Variants in ADCY2 observed in about 807,000 individuals in gnomAD.
ADCY2 encodes adenylate cyclase type 2.
A neutral mutation model predicts 125.2 loss-of-function variants in ADCY2; 31 were observed. The ratio of observed to expected loss-of-function variants is 0.25; its 90% confidence interval spans 0.19 to 0.33. The LOEUF (loss-of-function observed/expected upper bound fraction) is 0.33. Ranked by LOEUF, ADCY2 falls within the 10% of genes least tolerant of loss-of-function variation. The pLI is 1.00. For synonymous variants in ADCY2, 512 were observed against 548.4 expected (o/e 0.93, Z 0.93); for missense variants, 904 against 1,418.2 (o/e 0.64, Z 5.82).
intron 3 of ADCY2, among the ~76,000 whole-genome samples, chr5:7,548,729 G>C (rs962710071): frequency 5.9e-5 from 9 of 152,182 alleles, no homozygotes; most frequent in African/African-American, 1.9e-4. Flanking sequence ...TATGTTGAAA[G>C]TGGAGTCGAG....
chr5:7,485,982 AG>A (rs1742910693), intron 2 of ADCY2, among the ~76,000 whole-genome samples: 1 of 152,306 alleles, frequency 6.6e-6, no homozygotes, highest in South Asian at 2.1e-4. Context: ...TATTTTTATG[AG>A]GATAAAGTAA....
At chr5:7,703,814 A>G (rs13175574) in intron 7 of ADCY2, among the ~76,000 whole-genome samples, 121,774 of 151,650 alleles carry the variant, frequency 0.8, 49,318 homozygotes, top group South Asian at 0.86. Context: ...ATTACCTTGG[A>G]CAGTATGTTC....
chr5:7,711,050 C>T (rs895881180), intron 10 of ADCY2, among the ~76,000 whole-genome samples: 12 of 152,236 alleles, frequency 7.9e-5, no homozygotes, highest in East Asian at 5.8e-4. Context: ...TCTGCTGGAC[C>T]GCTTCTAACC....
intron 2 of ADCY2, among the ~76,000 whole-genome samples, chr5:7,420,144 G>C (rs1015496212): frequency 2.0e-5 from 3 of 152,120 alleles, no homozygotes; most frequent in Admixed American, 2.0e-4. Context: ...CTGTCATCTC[G>C]CGGGCAGAAG....
intron 2 of ADCY2, among the ~76,000 whole-genome samples, chr5:7,482,823 T>TAATGA (rs1742789106): frequency 6.7e-6 from 1 of 148,832 alleles, no homozygotes; most frequent in Non-Finnish European, 1.5e-5. Context: ...CATATATGTA[T>TAATGA]AATGAAATGC....
chr5:7,618,403 T>C (rs1309289632), intron 3 of ADCY2, among the ~76,000 whole-genome samples: 1 of 152,202 alleles, frequency 6.6e-6, no homozygotes, highest in African/African-American at 2.4e-5. Flanking sequence ...GTGATAGCAA[T>C]GCAACCTTCT....
chr5:7,676,461 A>C (rs1740130337), intron 4 of ADCY2, among the ~76,000 whole-genome samples: 1 of 152,108 alleles, frequency 6.6e-6, no homozygotes. Context: ...AAATCTTCTC[A>C]AACCTGTCTA....
At chr5:7,639,595 G>A (rs1056851459) in intron 4 of ADCY2, among the ~76,000 whole-genome samples, 4 of 152,110 alleles carry the variant, frequency 2.6e-5, no homozygotes, top group East Asian at 3.9e-4. Context: ...ATCTCCATTC[G>A]TAAATCTCTC....
chr5:7,662,768 G>A (rs1469233794), intron 4 of ADCY2, among the ~76,000 whole-genome samples: 1 of 152,200 alleles, frequency 6.6e-6, no homozygotes, highest in Non-Finnish European at 1.5e-5. Flanking sequence ...CCTGCGTAAA[G>A]AATCTCCTGA....
At chr5:7,768,383 A>C (rs756770096) in intron 17 of ADCY2, among the ~76,000 whole-genome samples, 6 of 152,166 alleles carry the variant, frequency 3.9e-5, no homozygotes, top group Admixed American at 3.9e-4. Flanking sequence ...TGGCCTGCCT[A>C]TTCCTCCTTG....
chr5:7,573,593 C>CTTTTTTTTT lies in ADCY2; in HGVS notation c.571-52557_571-52549dup, dbSNP rs763347773. 1.4e-4 allele frequency among the ~76,000 whole-genome samples: 12 copies of CTTTTTTTTT among 86,366 alleles called. 1 individual carries two copies. The highest frequency in any genetic ancestry group is 2.4e-4 in the Non-Finnish European group (10 of 41,874). The allele number at this position is 86,366 out of a possible 152,430, so 56.7% of individuals were successfully genotyped here. ...GCCTCTGGGATACAGGGTTGATTTT[C>CTTTTTTTTT]TTTTTTTTTTTTTTTTTTTTTTTTT... On this transcript the variant is annotated intron_variant, in intron 3 of 24. Transcript: ENST00000338316.
chr5:7,683,577 A>G (rs1021903810), intron 4 of ADCY2, among the ~76,000 whole-genome samples: 5 of 152,140 alleles, frequency 3.3e-5, no homozygotes, highest in Non-Finnish European at 5.9e-5. Context: ...TGAGGCCCAC[A>G]GTGGCTCTTA....
At chr5:7,556,819 A>G (rs1054203758) in intron 3 of ADCY2, among the ~76,000 whole-genome samples, 1 of 152,094 alleles carries the variant, frequency 6.6e-6, no homozygotes, top group Non-Finnish European at 1.5e-5. Flanking sequence ...TCCTTGTGAT[A>G]ATCCAATACC....
chr5:7,485,646 C>G (rs1054600256), intron 2 of ADCY2, among the ~76,000 whole-genome samples: 2 of 152,052 alleles, frequency 1.3e-5, no homozygotes, highest in Non-Finnish European at 2.9e-5. Flanking sequence ...GTGAACTATC[C>G]TAAGAACATA....
At chr5:7,597,521 TC>T (rs1359575518) in intron 3 of ADCY2, among the ~76,000 whole-genome samples, 2 of 152,306 alleles carry the variant, frequency 1.3e-5, no homozygotes, top group Admixed American at 1.3e-4. Flanking sequence ...ACGCCTGTAA[TC>T]CCAGAACTTT....
chr5:7,432,486 C>G (rs371930363), intron 2 of ADCY2, among the ~76,000 whole-genome samples: 14 of 152,282 alleles, frequency 9.2e-5, no homozygotes, highest in Admixed American at 2.6e-4. Flanking sequence ...TGCCAGCGCC[C>G]AAAAGCATTC....
At chr5:7,470,059 T>C (rs932617175) in intron 2 of ADCY2, among the ~76,000 whole-genome samples, 3 of 151,912 alleles carry the variant, frequency 2.0e-5, no homozygotes, top group Non-Finnish European at 3.0e-5. Flanking sequence ...GTTAACTTTA[T>C]TTATTTGAAA....
intron 15 of ADCY2, among the ~76,000 whole-genome samples, chr5:7,748,912 A>G (rs1449091253): frequency 6.6e-6 from 1 of 152,160 alleles, no homozygotes; most frequent in East Asian, 1.9e-4. Context: ...TTGCCTTCCC[A>G]GTGGTATATA....
intron 2 of ADCY2, among the ~76,000 whole-genome samples, chr5:7,483,631 T>C (rs1742817574): frequency 6.6e-6 from 1 of 152,172 alleles, no homozygotes; most frequent in South Asian, 2.1e-4. Flanking sequence ...GGAGATGACA[T>C]GGCATGGGAG....
Sources: gnomAD v4.1 joint callset for allele counts (sites outside exome capture counted in the v4.1 genomes callset) on GRCh38, gnomAD v4.1.1 for gene constraint, MANE v1.5 for transcripts, NCBI Gene and HGNC (gene_info 2026-07-23, HGNC 2026-07-21) for gene names.